UBR1: variants seen among roughly 807,000 people sequenced by gnomAD.
UBR1 encodes the protein E3 ubiquitin-protein ligase UBR1.
Under a neutral mutation model 242.1 loss-of-function variants are expected in UBR1, and 102 were observed. The ratio of observed to expected loss-of-function variants is 0.42; its 90% CI spans 0.36 to 0.50. The LOEUF (loss-of-function observed/expected upper bound fraction) is 0.50, where lower values mean the gene tolerates loss of function less well. UBR1 is among the 20% of genes least tolerant of loss of function. UBR1 has a pLI of 0.01. For synonymous variants in UBR1, 675 were observed against 684.8 expected (o/e 0.99, Z 0.22); for missense variants, 1,772 against 2,101.8 (o/e 0.84, Z 3.07).
chr15:42,971,079 A>G (rs767267413), intron 39 of UBR1, among the ~76,000 whole-genome samples: 12 of 152,352 alleles, frequency 7.9e-5, no homozygotes, highest in African/African-American at 2.4e-4. Flanking sequence ...CTTTATCTAT[A>G]TATTAGCTGG....
chr15:43,104,638 C>T (rs150336288), intron 1 of UBR1, among the ~76,000 whole-genome samples: 6 of 151,918 alleles, frequency 3.9e-5, no homozygotes, highest in Admixed American at 1.3e-4. Flanking sequence ...TTGACTCATG[C>T]CGTAGCTCCC....
intron 31 of UBR1, 59 bp from the exon 32 acceptor site, chr15:43,002,763 A>G: frequency 6.2e-7 from 1 of 1,609,694 alleles, no homozygotes; most frequent in East Asian, 2.2e-5. Context: ...CTACATGTGT[A>G]TCTCTACTTG....
At chr15:42,961,128 T>TG (rs1039919876) in intron 42 of UBR1, among the ~76,000 whole-genome samples, 1 of 150,172 alleles carries the variant, frequency 6.7e-6, no homozygotes, top group Non-Finnish European at 1.5e-5. Flanking sequence ...TTTTTTTTTT[T>TG]GTTTTGAGAC....
At chr15:43,068,955 A>C (rs1477776449) in intron 5 of UBR1, among the ~76,000 whole-genome samples, 1 of 152,232 alleles carries the variant, frequency 6.6e-6, no homozygotes, top group Non-Finnish European at 1.5e-5. Flanking sequence ...TCAGGCTCAG[A>C]ACCTTGAAGC....
intron 43 of UBR1, among the ~76,000 whole-genome samples, chr15:42,958,328 T>C (rs1054991571): frequency 3.9e-5 from 6 of 152,256 alleles, no homozygotes; most frequent in African/African-American, 9.6e-5. Flanking sequence ...TAAACTGTTA[T>C]AGCTAGATTT....
chr15:43,060,153 A>G, intron 6 of UBR1, 39 bp from the exon 7 acceptor site: 1 of 1,585,660 alleles, frequency 6.3e-7, no homozygotes, highest in Non-Finnish European at 8.7e-7. Flanking sequence ...TAGTGAAATG[A>G]TAACCACAAT....
chr15:43,037,976 G>T, intron 16 of UBR1, 93 bp from the exon 17 acceptor site: 1 of 1,316,424 alleles, frequency 7.6e-7, no homozygotes, highest in Non-Finnish European at 1.1e-6. Context: ...TTTCTCACGT[G>T]AAAAATGGAA....
At chr15:42,979,302 G>T (rs546934773) in intron 37 of UBR1, among the ~76,000 whole-genome samples, 31 of 150,770 alleles carry the variant, frequency 2.1e-4, no homozygotes, top group Admixed American at 4.0e-4. Flanking sequence ...GCCTCCCAAA[G>T]TGCTGGGATT....
intron 3 of UBR1, among the ~76,000 whole-genome samples, chr15:43,078,884 A>G (rs2033939620): frequency 6.6e-6 from 1 of 152,212 alleles, no homozygotes; most frequent in Non-Finnish European, 1.5e-5. Flanking sequence ...GAAATGGACA[A>G]AAAAGCAGGA....
intron 6 of UBR1, among the ~76,000 whole-genome samples, chr15:43,063,523 G>T (rs963931562): frequency 1.1e-4 from 17 of 152,274 alleles, no homozygotes; most frequent in African/African-American, 3.8e-4. Flanking sequence ...TGACCCAGGA[G>T]CCAAGTGCAG....
intron 15 of UBR1, among the ~76,000 whole-genome samples, chr15:43,042,257 C>A (rs1175082916): frequency 6.6e-6 from 1 of 152,074 alleles, no homozygotes; most frequent in East Asian, 1.9e-4. Flanking sequence ...CTATTCATAA[C>A]AGCCAAAAGG....
chr15:42,970,830 C>A (rs1182494351), intron 39 of UBR1, among the ~76,000 whole-genome samples: 1 of 151,948 alleles, frequency 6.6e-6, no homozygotes, highest in Admixed American at 6.6e-5. Context: ...TCAAGCAATT[C>A]TCCTGCCTCA....
chr15:43,068,089 T>TA lies in UBR1; in HGVS notation c.660-54dup, dbSNP rs375762522. 43,844 of 786,286 alleles carry TA rather than the reference T, an allele frequency of 0.056. 492 individuals carry two copies. Among genetic ancestry groups the TA allele is most frequent in the African/African-American group, 0.16 (5,801 of 36,688 alleles). 48.7% of individuals were successfully genotyped at this position (786,286 alleles called of 1,614,324 possible). A position where few individuals can be genotyped will look rare whatever the true frequency, so the allele number is the denominator to read the frequency against. On this transcript the variant is annotated intron_variant, in intron 5 of 46. Coordinates refer to ENST00000290650, the MANE Select transcript of UBR1 (RefSeq NM_174916.3). Reference sequence around the variant, plus strand: ...GATACTACAACAAATAAAGGAAAAGTAAAAAAAAAAAAAAAAAAGACAAAA... The same window carrying TA: ...GATACTACAACAAATAAAGGAAAAGTAAAAAAAAAAAAAAAAAAAGACAAAA...
At chr15:43,005,186 C>T (rs912205836) in intron 30 of UBR1, among the ~76,000 whole-genome samples, 9 of 152,142 alleles carry the variant, frequency 5.9e-5, no homozygotes, top group South Asian at 2.1e-4. Context: ...GCCCAGCAGC[C>T]GCCCCATCTG....
rs1596085691 is a variant in UBR1, at chr15:42,984,883, A to G, written c.4053+4T>C. On this transcript the variant is annotated splice_donor_region_variant and intron_variant, in intron 36 of 46. Coordinates refer to ENST00000290650, the MANE Select transcript of UBR1 (RefSeq NM_174916.3). ...TTACATGTACCTTGTTGGAATATAC[A>G]TACCTGCCTATTTTGAAGTGCTCCA... The G allele has an allele frequency of 3.1e-6, 5 of 1,611,200 alleles. No homozygotes were observed. The East Asian group carries it at 1.1e-4, about 36-fold the overall frequency.
chr15:43,103,121 T>C (rs1432513398), intron 1 of UBR1, among the ~76,000 whole-genome samples: 1 of 152,226 alleles, frequency 6.6e-6, no homozygotes, highest in East Asian at 1.9e-4. Context: ...TGAGCCAAGA[T>C]GGCACCACTA....
intron 40 of UBR1, among the ~76,000 whole-genome samples, chr15:42,967,119 T>C (rs891904691): frequency 1.6e-4 from 25 of 151,798 alleles, no homozygotes; most frequent in Non-Finnish European, 2.8e-4. Context: ...GGTCTCACCA[T>C]GTTGGCCAGG....
At chr15:43,076,149 T>G (rs907255940) in intron 3 of UBR1, among the ~76,000 whole-genome samples, 220 of 87,056 alleles carry the variant, frequency 2.5e-3, no homozygotes, top group African/African-American at 9.2e-3. Flanking sequence ...TGGTTTTCGT[T>G]TTTTTTTTTT....
intron 34 of UBR1, among the ~76,000 whole-genome samples, chr15:42,989,532 C>T (rs1438393385): frequency 2.0e-5 from 3 of 152,138 alleles, no homozygotes; most frequent in Non-Finnish European, 4.4e-5. Context: ...ACCCTGGATA[C>T]TCAATATTAA....
Sources: gnomAD v4.1 joint callset for allele counts (sites outside exome capture counted in the v4.1 genomes callset) on GRCh38, gnomAD v4.1.1 for gene constraint, MANE v1.5 for transcripts, NCBI Gene and HGNC (gene_info 2026-07-23, HGNC 2026-07-21) for gene names.